Variants in GLRA2 observed in about 807,000 individuals in gnomAD.
The protein encoded by GLRA2 is glycine receptor subunit alpha-2.
A neutral mutation model predicts 31.6 loss-of-function variants in GLRA2; 11 were observed. The ratio of observed to expected loss-of-function variants is 0.35; its 90% confidence interval spans 0.22 to 0.58. GLRA2 has a LOEUF of 0.58. Among genes scored for constraint, GLRA2 ranks in the 20% least tolerant of loss-of-function variants. The pLI, the probability that GLRA2 is intolerant of heterozygous loss-of-function variation, is 0.84. For missense variants in GLRA2, 212 were observed against 351.8 expected (o/e 0.60, Z 3.18); for synonymous variants, 132 against 134.0 (o/e 0.99, Z 0.10).
At chrX:14,725,076 A>G (rs368813328) in intron 8 of GLRA2, among the ~76,000 whole-genome samples, 4 of 111,993 alleles carry the variant, frequency 3.6e-5, no homozygotes, top group African/African-American at 1.3e-4. Context: ...TATTAGCACT[A>G]TAACTATAGG....
intron 4 of GLRA2, among the ~76,000 whole-genome samples, chrX:14,596,654 AAATAAT>A (rs201178872): frequency 9.1e-5 from 10 of 110,000 alleles, no homozygotes; most frequent in Middle Eastern, 4.7e-3. Context: ...CTCAAAAAGA[AAATAAT>A]AATAATATTT....
the GLRA2 span, among the ~76,000 whole-genome samples, chrX:14,468,246 G>T: frequency 2.7e-5 from 3 of 112,353 alleles, no homozygotes; most frequent in Admixed American, 9.4e-5. Context: ...TCTAGCTGTT[G>T]GATCTTGAGC....
chrX:14,660,525 A>G (rs1007048437), intron 7 of GLRA2, among the ~76,000 whole-genome samples: 1 of 111,964 alleles, frequency 8.9e-6, no homozygotes, highest in South Asian at 3.7e-4. Context: ...GGTATGACTT[A>G]GGTTTTAAAA....
chrX:14,542,990 A>G (rs1810995655), intron 2 of GLRA2, among the ~76,000 whole-genome samples: 1 of 110,371 alleles, frequency 9.1e-6, no homozygotes, highest in Non-Finnish European at 1.9e-5. Context: ...TACTCCCTAC[A>G]GGTTAAGACC....
the GLRA2 span, among the ~76,000 whole-genome samples, chrX:14,518,324 T>C: frequency 7.1e-5 from 8 of 112,177 alleles, no homozygotes; most frequent in African/African-American, 2.6e-4. Context: ...TCTAATAAAA[T>C]GGAAGCTGTG....
chrX:14,625,482 GT>G (rs2090578019), intron 7 of GLRA2, among the ~76,000 whole-genome samples: 1 of 111,489 alleles, frequency 9.0e-6, no homozygotes, highest in East Asian at 2.8e-4. Context: ...GCAGTGGCTG[GT>G]ACTGGTTGTT....
At chrX:14,599,733 T>C (rs1029212300) in intron 4 of GLRA2, among the ~76,000 whole-genome samples, 2 of 111,858 alleles carry the variant, frequency 1.8e-5, no homozygotes, top group Non-Finnish European at 3.8e-5. Context: ...TGAATACAGA[T>C]GTAAAAAGTA....
chrX:14,620,003 G>A (rs7882022), intron 7 of GLRA2, among the ~76,000 whole-genome samples: 80 of 100,327 alleles, frequency 8.0e-4, no homozygotes, highest in Middle Eastern at 5.1e-3. Context: ...GCGCCCCCCC[G>A]TTTTTTTTTT....
intron 7 of GLRA2, among the ~76,000 whole-genome samples, chrX:14,618,173 C>A (rs771718740): frequency 8.9e-6 from 1 of 111,871 alleles, no homozygotes; most frequent in East Asian, 2.8e-4. Flanking sequence ...GGAAAAGTTT[C>A]CTCATAGCTT....
At chrX:14,658,834 T>G (rs755109615) in intron 7 of GLRA2, among the ~76,000 whole-genome samples, 2 of 112,247 alleles carry the variant, frequency 1.8e-5, no homozygotes, top group Non-Finnish European at 3.8e-5. Flanking sequence ...CCTTGTCATA[T>G]ATATATTCTT....
chrX:14,510,834 CATTCTT>C, the GLRA2 span, among the ~76,000 whole-genome samples: 1 of 111,966 alleles, frequency 8.9e-6, no homozygotes, highest in Non-Finnish European at 1.9e-5. Flanking sequence ...TCCCATTTCT[CATTCTT>C]ATTAGTATCA....
intron 7 of GLRA2, among the ~76,000 whole-genome samples, chrX:14,672,293 T>C (rs1288802506): frequency 1.8e-5 from 2 of 112,587 alleles, no homozygotes; most frequent in Non-Finnish European, 3.7e-5. Context: ...AGCAGATGTA[T>C]GCAACTGATA....
chrX:14,655,918 T>A (rs1259443341), intron 7 of GLRA2, among the ~76,000 whole-genome samples: 1 of 111,777 alleles, frequency 8.9e-6, no homozygotes, highest in Non-Finnish European at 1.9e-5. Flanking sequence ...ACTATGCAAA[T>A]ACTTTTTTTT....
At chrX:14,728,300 G>T (rs2091950702) in intron 8 of GLRA2, among the ~76,000 whole-genome samples, 1 of 111,120 alleles carries the variant, frequency 9.0e-6, no homozygotes, top group African/African-American at 3.3e-5. Context: ...GTCTGAGGCG[G>T]GAGGATCACT....
At chrX:14,717,362 G>A (rs888087797) in intron 8 of GLRA2, among the ~76,000 whole-genome samples, 7 of 101,441 alleles carry the variant, frequency 6.9e-5, no homozygotes, top group African/African-American at 1.8e-4. Context: ...AAAAAAAAAA[G>A]TAGATATCAA....
In GLRA2 at chrX:14,613,321, G is replaced by A. The variant is rs755554052; in HGVS notation, c.930+4116G>A. On this transcript the variant is annotated intron_variant, in intron 7 of 8. Transcript: ENST00000218075. The stretch of plus-strand genomic sequence containing the variant: ...TAGAAGATGTCCTGTTCTTTGGATG[G>A]CTCACTATTCACTTATAGTTGTACT... Among the ~76,000 whole-genome samples, 4 of 111,529 alleles carry A rather than the reference G, an allele frequency of 3.6e-5. No homozygotes were observed. The South Asian group carries it at 1.1e-3, about 31-fold the overall frequency.
the GLRA2 span, among the ~76,000 whole-genome samples, chrX:14,484,451 A>G: frequency 1.8e-5 from 2 of 112,254 alleles, no homozygotes; most frequent in Admixed American, 1.9e-4. Flanking sequence ...AAGGTTGTTG[A>G]CCTTATGTTA....
At chrX:14,621,098 G>A (rs761847511) in intron 7 of GLRA2, among the ~76,000 whole-genome samples, 19 of 111,560 alleles carry the variant, frequency 1.7e-4, no homozygotes, top group Non-Finnish European at 3.4e-4. Context: ...AGAAGAGCCC[G>A]TAAGTAGTTA....
In GLRA2 at chrX:14,730,498, G is replaced by A; in HGVS notation, c.*13G>A. ...CCACAAGAAATAGATGTGCCCTACA[G>A]ACCCTGGGACCTTCTTGCCTCAGTG... On this transcript the variant is annotated 3_prime_UTR_variant, in exon 9 of 9. Transcript: ENST00000218075. 8.7e-7 allele frequency: 1 copy of A among 1,155,444 alleles called. No individual in the cohort carries two copies.
Sources: gnomAD v4.1 joint callset for allele counts (sites outside exome capture counted in the v4.1 genomes callset) on GRCh38, gnomAD v4.1.1 for gene constraint, MANE v1.5 for transcripts, NCBI Gene and HGNC (gene_info 2026-07-23, HGNC 2026-07-21) for gene names.